Variants in RASSF10 observed in about 807,000 individuals in gnomAD.
RASSF10 encodes ras association domain-containing protein 10.
RASSF10 carries 22 observed loss-of-function variants against 41.5 expected under a neutral mutation model. That is an observed-to-expected ratio of 0.53 (90% CI 0.38 to 0.76). The LOEUF (loss-of-function observed/expected upper bound fraction) is 0.76. Ranked by LOEUF, RASSF10 falls within the 30% of genes least tolerant of loss-of-function variation. The pLI is 0.00. For synonymous variants in RASSF10, 364 were observed against 319.0 expected (o/e 1.14, Z -1.50); for missense variants, 776 against 711.8 (o/e 1.09, Z -1.03).
chr11:13,010,405 T>G lies in RASSF10; in HGVS notation c.829T>G (p.Tyr277Asp). 6.5e-7 allele frequency: 1 copy of G among 1,549,482 alleles called. No individual in the cohort carries two copies. Among genetic ancestry groups the G allele is most frequent in the Non-Finnish European group, 8.7e-7 (1 of 1,145,660 alleles). Residue 277 changes from tyrosine to aspartate, a missense_variant, in exon 1 of 1, where the codon TAC becomes GAC. By Grantham distance (160) the Tyr-to-Asp change is radical. Transcript: ENST00000529419. This position sits in a 1 kb window ranked among gnomAD's most constrained non-coding sequence, Gnocchi z 4.8. ...CGGGGTCAACTACGTGCAGGACACT[T>G]ACTTGGTTGGGGCAGGCATCGAGCT... ...RHGVNYVQDT[Y>D]LVGAGIELDG...
rs749748710 is a variant in RASSF10, at chr11:13,009,716, G to A, written c.140G>A (p.Arg47Gln). Reference protein sequence around the residue: ...EDGCRRRRRQRRSRRLGSAGD... With the variant: ...EDGCRRRRRQQRSRRLGSAGD... The stretch of plus-strand genomic sequence containing the variant: ...GGCTGCCGGCGGCGACGGAGACAGC[G>A]GCGGAGCCGGCGGCTGGGGTCGGCC... Residue 47 changes from arginine to glutamine, a missense_variant, in exon 1 of 1, where the codon CGG becomes CAG. By Grantham distance (43) the Arg-to-Gln change is conservative. Coordinates refer to ENST00000529419, the MANE Select transcript of RASSF10 (RefSeq NM_001080521.3). 2.9e-5 allele frequency: 46 copies of A among 1,585,050 alleles called. No homozygotes were observed. In the South Asian group the frequency reaches 4.7e-4, roughly 16 times the overall value.
Position 13,011,099 on chromosome 11 carries a change from AG to A in RASSF10, c.*3del. ...TTGCCCATGTGCGAATCCCTTGTGT[AG>A]GGGTGGGGGGCGGGGGGCGGGGGGC... is the stretch of plus-strand genomic sequence containing the variant. ...DSLPMCESLV[*>X] On this transcript the variant is annotated frameshift_variant and stop_lost, in exon 1 of 1. Transcript: ENST00000529419. LOFTEE classifies it high-confidence loss of function. 1 of 99,700 alleles carries A rather than the reference AG, an allele frequency of 1.0e-5. No individual in the cohort carries two copies. Among genetic ancestry groups the A allele is most frequent in the Non-Finnish European group, 1.5e-5 (1 of 65,312 alleles). The allele number at this position is 99,700 out of a possible 1,614,324, so 6.2% of individuals were successfully genotyped here.
In RASSF10 at chr11:13,010,991, G is replaced by A. The variant is rs747131015; in HGVS notation, c.1415G>A (p.Arg472His). 10 of 1,613,632 alleles carry A rather than the reference G, an allele frequency of 6.2e-6. No homozygotes were observed. The highest frequency in any genetic ancestry group is 8.5e-6 in the Non-Finnish European group (10 of 1,179,860). The change falls in exon 1 of 1, where the codon CGT becomes CAT. Residue 472 changes from arginine (R) to histidine (H), a missense_variant. By Grantham distance (29) the Arg-to-His change is conservative. Transcript: ENST00000529419. The surrounding 1 kb of genome is among the most constrained non-coding windows in gnomAD (Gnocchi z 4.8). ...ACADMWVDQA[R>H]GLAKSGPGND... ...GCCGACATGTGGGTGGACCAGGCCC[G>A]TGGACTGGCCAAGAGCGGTCCTGGC...
rs560159485 is a variant in RASSF10 at position 13,010,383 on chromosome 11, G to A, written c.807G>A (p.Gly269=). The A allele has an allele frequency of 9.6e-5, 149 of 1,551,154 alleles. No individual in the cohort carries two copies. The highest frequency in any genetic ancestry group is 1.6e-4 in the African/African-American group (12 of 73,042). The change falls in exon 1 of 1, where the codon GGG becomes GGA. Residue 269 remains glycine (G), a synonymous_variant. Transcript: ENST00000529419. The surrounding 1 kb of genome is among the most constrained non-coding windows in gnomAD (Gnocchi z 4.8). Reference sequence around the variant, plus strand: ...ACCTGGACCGCATGCGGCGTCACGGGGTCAACTACGTGCAGGACACTTACT... The same window carrying A: ...ACCTGGACCGCATGCGGCGTCACGGAGTCAACTACGTGCAGGACACTTACT... ...KVHLDRMRRH[G]VNYVQDTYLV... is the part of the protein sequence containing the mutation.
In RASSF10 at chr11:13,009,362, C is replaced by T. The variant is rs1477879696; in HGVS notation, c.-215C>T. The T allele has an allele frequency of 1.8e-6, 2 of 1,129,822 alleles. No individual in the cohort carries two copies. Among genetic ancestry groups the T allele is most frequent in the East Asian group, 2.6e-5 (1 of 38,540 alleles). The allele number at this position is 1,129,822 out of a possible 1,614,324, so 70.0% of individuals were successfully genotyped here. ...GGTCCTGGGCGCGTTGCCCCGGGAG[C>T]GCCCGTCGTCCGGGCAGAGCGCAGC... On this transcript the variant is annotated 5_prime_UTR_variant, in exon 1 of 1. Coordinates refer to ENST00000529419, the MANE Select transcript of RASSF10 (RefSeq NM_001080521.3).
Position 13,011,337 on chromosome 11 carries a change from A to G in RASSF10, c.*237A>G, listed in dbSNP as rs1208592333. The G allele has an allele frequency of 6.2e-6, 3 of 481,340 alleles. No homozygotes were observed. Among genetic ancestry groups the G allele is most frequent in the African/African-American group, 5.7e-5 (3 of 52,516 alleles). 29.8% of individuals were successfully genotyped at this position (481,340 alleles called of 1,614,324 possible). On this transcript the variant is annotated 3_prime_UTR_variant, in exon 1 of 1. Coordinates refer to ENST00000529419, the MANE Select transcript of RASSF10 (RefSeq NM_001080521.3). ...GCTCATTAAAGAGAGGGAAGGAGGG[A>G]GGAGGCAAGAACCCCCTATACTGGA...
Position 13,010,393 on chromosome 11 carries a change from G to A in RASSF10, c.817G>A (p.Val273Met), listed in dbSNP as rs1949568097. The A allele has an allele frequency of 6.4e-7, 1 of 1,550,724 alleles. No individual in the cohort carries two copies. The change falls in exon 1 of 1, where the codon GTG (valine) becomes ATG (methionine). Residue 273 changes from valine to methionine, a missense_variant. Coordinates refer to ENST00000529419, the MANE Select transcript of RASSF10 (RefSeq NM_001080521.3). The surrounding 1 kb of genome is among the most constrained non-coding windows in gnomAD (Gnocchi z 4.8). ...DRMRRHGVNY[V>M]QDTYLVGAGI... Reference sequence around the variant, plus strand: ...CATGCGGCGTCACGGGGTCAACTACGTGCAGGACACTTACTTGGTTGGGGC... The same window carrying A: ...CATGCGGCGTCACGGGGTCAACTACATGCAGGACACTTACTTGGTTGGGGC...
At position 13,011,252 on chromosome 11, in the gene RASSF10, C is replaced by A; in HGVS notation, c.*152C>A. The stretch of plus-strand genomic sequence containing the variant: ...GCGCTCTGCGCAGCCTCGCGCTCAT[C>A]TGGCTCCGGGGTGAGTGCAGAGCAG... On this transcript the variant is annotated 3_prime_UTR_variant, in exon 1 of 1. Coordinates refer to ENST00000529419, the MANE Select transcript of RASSF10 (RefSeq NM_001080521.3). 1 of 644,374 alleles carries A rather than the reference C, an allele frequency of 1.6e-6. No homozygotes were observed. The highest frequency in any genetic ancestry group is 2.6e-6 in the Non-Finnish European group (1 of 378,146). The allele number at this position is 644,374 out of a possible 1,614,324, so 39.9% of individuals were successfully genotyped here.
Position 13,011,260 on chromosome 11 carries a change from G to C in RASSF10, c.*160G>C. On this transcript the variant is annotated 3_prime_UTR_variant, in exon 1 of 1. Transcript: ENST00000529419. The stretch of plus-strand genomic sequence containing the variant: ...CGCAGCCTCGCGCTCATCTGGCTCC[G>C]GGGTGAGTGCAGAGCAGGGTGAGGG... The C allele has an allele frequency of 6.4e-6, 4 of 621,150 alleles. No individual in the cohort carries two copies. The highest frequency in any genetic ancestry group is 2.0e-5 in the South Asian group (1 of 49,650). The allele number at this position is 621,150 out of a possible 1,614,324, so 38.5% of individuals were successfully genotyped here. A position where few individuals can be genotyped will look rare whatever the true frequency, so the allele number is the denominator to read the frequency against.
In RASSF10 at chr11:13,009,489, C is replaced by T. The variant is rs1457497644; in HGVS notation, c.-88C>T. ...GCCGGAGGGGGGCACGGGCTCCTCT[C>T]CCATCCCAGAGCTACTGGGCTGCCC... On this transcript the variant is annotated 5_prime_UTR_variant, in exon 1 of 1. Coordinates refer to ENST00000529419, the MANE Select transcript of RASSF10 (RefSeq NM_001080521.3). The T allele has an allele frequency of 3.3e-6, 5 of 1,531,600 alleles. No individual in the cohort carries two copies. The highest frequency in any genetic ancestry group is 4.4e-6 in the Non-Finnish European group (5 of 1,140,788). The allele number at this position is 1,531,600 out of a possible 1,614,324, so 94.9% of individuals were successfully genotyped here. A position where few individuals can be genotyped will look rare whatever the true frequency, so the allele number is the denominator to read the frequency against.
Position 13,010,567 on chromosome 11 carries a change from C to A in RASSF10, c.991C>A (p.Arg331=). 2 of 1,550,834 alleles carry A rather than the reference C, an allele frequency of 1.3e-6. No individual in the cohort carries two copies. Among genetic ancestry groups the A allele is most frequent in the Middle Eastern group, 1.7e-4 (1 of 5,718 alleles). ...GGCCCGGCGCTGCGACGACTTGCTG[C>A]GGCTTCAGGAGCAACGGGTTCAGCA... The part of the protein sequence containing the change: ...ELARRCDDLL[R]LQEQRVQQEE... The change falls in exon 1 of 1, where the codon CGG becomes AGG. Residue 331 remains arginine, a synonymous_variant. Coordinates refer to ENST00000529419, the MANE Select transcript of RASSF10 (RefSeq NM_001080521.3). This position sits in a 1 kb window ranked among gnomAD's most constrained non-coding sequence, Gnocchi z 4.8.
At position 13,010,057 on chromosome 11, in the gene RASSF10, C is replaced by A. The variant is rs1025911858; in HGVS notation, c.481C>A (p.Pro161Thr). Reference protein sequence around the residue: ...RERPCPARGAPARPSLAMTQE... With the variant: ...RERPCPARGATARPSLAMTQE... Reference sequence around the variant, plus strand: ...GCGCCCCTGTCCGGCCCGCGGGGCCCCGGCGCGGCCCAGCCTGGCCATGAC... The same window carrying A: ...GCGCCCCTGTCCGGCCCGCGGGGCCACGGCGCGGCCCAGCCTGGCCATGAC... The change falls in exon 1 of 1, where the codon CCG becomes ACG. Residue 161 changes from proline (P) to threonine (T), a missense_variant. Transcript: ENST00000529419. The surrounding 1 kb of genome is among the most constrained non-coding windows in gnomAD (Gnocchi z 4.8). The A allele has an allele frequency of 1.3e-6, 2 of 1,546,110 alleles. No homozygotes were observed.
Position 13,010,248 on chromosome 11 carries a change from C to G in RASSF10, c.672C>G (p.Arg224=). Residue 224 remains arginine (R), a synonymous_variant, in exon 1 of 1, where the codon CGC becomes CGG. Transcript: ENST00000529419. This position sits in a 1 kb window ranked among gnomAD's most constrained non-coding sequence, Gnocchi z 4.8. ...PRTHESASVE[R]METLVHLVLS... ...CCCACGAGAGCGCGTCGGTGGAGCG[C>G]ATGGAGACGCTGGTGCATCTGGTGC... 1 of 1,578,618 alleles carries G rather than the reference C, an allele frequency of 6.3e-7. No individual in the cohort carries two copies. Among genetic ancestry groups the G allele is most frequent in the Non-Finnish European group, 8.6e-7 (1 of 1,163,022 alleles).
rs762030086 is a variant in RASSF10, at chr11:13,011,073, C to T, written c.1497C>T (p.Ser499=). 3.8e-6 allele frequency: 6 copies of T among 1,569,084 alleles called. No homozygotes were observed. The Admixed American group carries it at 9.0e-5, about 24-fold the overall frequency. Residue 499 remains serine (S), a synonymous_variant, in exon 1 of 1, where the codon TCC becomes TCT. Transcript: ENST00000529419. ...LSSMHSQDSD[S]LPMCESLV is the part of the protein sequence containing the mutation. ...CTATGCATAGCCAAGACTCGGACTC[C>T]TTGCCCATGTGCGAATCCCTTGTGT...
In RASSF10 at chr11:13,009,562, C is replaced by T. The variant is rs371726705; in HGVS notation, c.-15C>T. On this transcript the variant is annotated 5_prime_UTR_variant, in exon 1 of 1. Transcript: ENST00000529419. ...AGACCCCGGCCGGACCTGCCACCTG[C>T]GCCCTGGTTGCGCCATGGATCCTTC... is the stretch of plus-strand genomic sequence containing the variant. 124 of 1,601,798 alleles carry T rather than the reference C, an allele frequency of 7.7e-5. 1 individual carries two copies. The African/African-American group carries it at 1.4e-3, about 18-fold the overall frequency.
chr11:13,009,820 G>A lies in RASSF10; in HGVS notation c.244G>A (p.Gly82Ser), dbSNP rs759420718. The change falls in exon 1 of 1, where the codon GGC (glycine) becomes AGC (serine). Residue 82 changes from glycine (G) to serine (S), a missense_variant. By Grantham distance (56) the Gly-to-Ser change is moderately conservative. Coordinates refer to ENST00000529419, the MANE Select transcript of RASSF10 (RefSeq NM_001080521.3). ...GGACGACGACGAGGCGCTGCCGCAG[G>A]GCATGCTGTGCGGGCCCCCGCAGTG... ...DEDDDEALPQ[G>S]MLCGPPQCYC... is the part of the protein sequence containing the mutation. The A allele has an allele frequency of 1.9e-5, 30 of 1,607,228 alleles. No homozygotes were observed. In the South Asian group the frequency reaches 3.2e-4, roughly 17 times the overall value.
Position 13,009,992 on chromosome 11 carries a change from GC to G in RASSF10, c.421del (p.Arg141AlafsTer7). The G allele has an allele frequency of 6.5e-7, 1 of 1,545,272 alleles. No homozygotes were observed. The highest frequency in any genetic ancestry group is 8.7e-7 in the Non-Finnish European group (1 of 1,143,630). On this transcript the variant is annotated frameshift_variant, in exon 1 of 1. Transcript: ENST00000529419. LOFTEE classifies it high-confidence loss of function. ...AGCGAGGCATCGCTGCCTAACGCCG[GC>G]CCCCGCAGCGCCGAGGCGCGCGTAG... is the stretch of plus-strand genomic sequence containing the variant. ...VRSEASLPNAGPRSAEARVVL... is the reference protein window; with the variant it reads ...VRSEASLPNAXPRSAEARVVL...
In RASSF10 at chr11:13,009,609, G is replaced by T. The variant is rs566529585; in HGVS notation, c.33G>T (p.Trp11Cys). 6.2e-7 allele frequency: 1 copy of T among 1,611,142 alleles called. No homozygotes were observed. The highest frequency in any genetic ancestry group is 1.1e-5 in the South Asian group (1 of 90,770). MDPSEKKISV[W>C]ICQEEKLVSG... is the part of the protein sequence containing the mutation. ...CTTCGGAAAAGAAGATATCGGTGTG[G>T]ATCTGCCAGGAAGAGAAGCTGGTGT... Residue 11 changes from tryptophan to cysteine, a missense_variant, in exon 1 of 1, where the codon TGG becomes TGT. Coordinates refer to ENST00000529419, the MANE Select transcript of RASSF10 (RefSeq NM_001080521.3).
In RASSF10 at chr11:13,011,366, C is replaced by T. The variant is rs1237024054; in HGVS notation, c.*266C>T. On this transcript the variant is annotated 3_prime_UTR_variant, in exon 1 of 1. Transcript: ENST00000529419. ...GGCAAGAACCCCCTATACTGGAAAA[C>T]AAACAACCCAAGGAAATTGACGTGG... 2 of 394,492 alleles carry T rather than the reference C, an allele frequency of 5.1e-6. No homozygotes were observed. Among genetic ancestry groups the T allele is most frequent in the African/African-American group, 3.9e-5 (2 of 50,728 alleles). The allele number at this position is 394,492 out of a possible 1,614,324, so 24.4% of individuals were successfully genotyped here.
Sources: allele counts gnomAD v4.1 joint callset, GRCh38; gene constraint gnomAD v4.1.1; non-coding constraint Gnocchi (gnomAD v3.1); transcripts MANE v1.5; gene names NCBI Gene and HGNC (gene_info 2026-07-23, HGNC 2026-07-21).